CASR: variants seen among roughly 807,000 people sequenced by gnomAD.
The protein encoded by CASR is calcium sensing receptor.
In CASR, 23 loss-of-function variants were observed where a neutral mutation model predicts 69.1. The observed-to-expected ratio is 0.33, with a 90% CI of 0.24 to 0.47. The LOEUF is 0.47. Ranked by LOEUF, CASR falls within the 20% of genes least tolerant of loss-of-function variation. The probability of loss-of-function intolerance (pLI) is 1.00; values close to 1 mark genes in which losing one functional copy is unlikely to be tolerated. For missense variants in CASR, 924 were observed against 1,356.1 expected (o/e 0.68, Z 5.00); for synonymous variants, 541 against 544.7 (o/e 0.99, Z 0.10).
At chr3:122,274,158 G>A (rs2074789571) in intron 4 of CASR, among the ~76,000 whole-genome samples, 1 of 152,226 alleles carries the variant, frequency 6.6e-6, no homozygotes, top group Admixed American at 6.5e-5. Context: ...GTAGCAGGGA[G>A]TGAGGGATCC....
intron 2 of CASR, among the ~76,000 whole-genome samples, chr3:122,255,154 T>G (rs1001819613): frequency 6.6e-6 from 1 of 152,224 alleles, no homozygotes; most frequent in Non-Finnish European, 1.5e-5. Context: ...TGATGCCCCC[T>G]AATTTACTGC....
At chr3:122,209,812 C>T (rs2074044353) in intron 1 of CASR, among the ~76,000 whole-genome samples, 1 of 152,140 alleles carries the variant, frequency 6.6e-6, no homozygotes, top group Admixed American at 6.5e-5. Flanking sequence ...GTCCAATATC[C>T]CTGATGAACA....
intron 5 of CASR, among the ~76,000 whole-genome samples, chr3:122,279,884 C>A (rs1039159524): frequency 1.6e-4 from 25 of 152,224 alleles, no homozygotes; most frequent in African/African-American, 5.8e-4. Context: ...TAGTTTGCTG[C>A]ACCTGTCAAC....
intron 1 of CASR, among the ~76,000 whole-genome samples, chr3:122,212,077 T>G (rs2074073298): frequency 6.6e-6 from 1 of 152,196 alleles, no homozygotes; most frequent in South Asian, 2.1e-4. Flanking sequence ...CAAAGGAATA[T>G]AAATCATTCT....
chr3:122,195,828 A>C (rs1464886151), intron 1 of CASR, among the ~76,000 whole-genome samples: 1 of 152,210 alleles, frequency 6.6e-6, no homozygotes, highest in East Asian at 1.9e-4. Flanking sequence ...CATCTTTTAA[A>C]AATGTAATGA....
intron 3 of CASR, 104 bp downstream of exon 3, chr3:122,257,491 G>A: frequency 1.3e-6 from 1 of 793,810 alleles, no homozygotes; most frequent in Non-Finnish European, 2.0e-6. Context: ...TCCCATCTCT[G>A]GCACAAAAGA....
Position 122,284,742 on chromosome 3 carries a change from C to A in CASR, c.2788C>A (p.Gln930Lys). ...SEDPFPQPERQKQQQPLALTQ... is the reference protein window; with the variant it reads ...SEDPFPQPERKKQQQPLALTQ... Reference sequence around the variant, plus strand: ...AGACCCATTCCCACAGCCCGAGAGGCAGAAGCAGCAGCAGCCGCTGGCCCT... The same window carrying A: ...AGACCCATTCCCACAGCCCGAGAGGAAGAAGCAGCAGCAGCCGCTGGCCCT... Residue 930 changes from glutamine to lysine, a missense_variant, in exon 7 of 7, where the codon CAG becomes AAG. Physicochemically the swap from Gln to Lys is moderately conservative, Grantham distance 53 (BLOSUM62 1). This residue lies in a region of CASR where 201 missense variants were observed against 228.8 expected (regional missense o/e 0.88). Coordinates refer to ENST00000639785, the MANE Select transcript of CASR (RefSeq NM_000388.4). The A allele has an allele frequency of 6.2e-7, 1 of 1,614,194 alleles. No homozygotes were observed.
At chr3:122,230,457 G>C (rs1042118682) in intron 1 of CASR, among the ~76,000 whole-genome samples, 7 of 152,348 alleles carry the variant, frequency 4.6e-5, no homozygotes, top group African/African-American at 1.4e-4. Context: ...AGGAGCAGCG[G>C]GGGCGGGGAT....
chr3:122,266,539 C>T (rs914941832), intron 4 of CASR, among the ~76,000 whole-genome samples: 1 of 151,944 alleles, frequency 6.6e-6, no homozygotes, highest in African/African-American at 2.4e-5. Flanking sequence ...AAGCAGTACT[C>T]CTATGTTTGG....
At chr3:122,242,354 A>G (rs2074386449) in intron 1 of CASR, among the ~76,000 whole-genome samples, 3 of 152,188 alleles carry the variant, frequency 2.0e-5, no homozygotes, top group Admixed American at 2.0e-4. Context: ...CAAAATCAAC[A>G]TACAAAAACT....
intron 1 of CASR, among the ~76,000 whole-genome samples, chr3:122,236,573 G>A (rs2074331117): frequency 6.6e-6 from 1 of 152,020 alleles, no homozygotes; most frequent in Non-Finnish European, 1.5e-5. Flanking sequence ...GGTTCTGAAG[G>A]GACTACTCAA....
At chr3:122,225,926 A>G (rs1046120054) in intron 1 of CASR, among the ~76,000 whole-genome samples, 2 of 152,342 alleles carry the variant, frequency 1.3e-5, no homozygotes, top group East Asian at 3.9e-4. Flanking sequence ...CTTTGCAGCA[A>G]CATGGATGCA....
At chr3:122,215,764 T>G (rs2074111573) in intron 1 of CASR, among the ~76,000 whole-genome samples, 1 of 152,224 alleles carries the variant, frequency 6.6e-6, no homozygotes, top group Non-Finnish European at 1.5e-5. Context: ...GACAAGATTT[T>G]GGTGCCAAGT....
At chr3:122,217,810 GAA>G (rs953491668) in intron 1 of CASR, among the ~76,000 whole-genome samples, 1 of 150,832 alleles carries the variant, frequency 6.6e-6, no homozygotes, top group Non-Finnish European at 1.5e-5. Context: ...GCCTGCCACA[GAA>G]AAAAAAATGT....
rs2075012059 is a variant in CASR, at chr3:122,291,551, AT to A, written c.*6364del. The A allele has an allele frequency of 6.6e-6, 1 of 152,170 alleles. No homozygotes were observed. Among genetic ancestry groups the A allele is most frequent in the African/African-American group, 2.4e-5 (1 of 41,424 alleles). 9.4% of individuals were successfully genotyped at this position (152,170 alleles called of 1,614,324 possible). A position where few individuals can be genotyped will look rare whatever the true frequency, so the allele number is the denominator to read the frequency against. On this transcript the variant is annotated 3_prime_UTR_variant, in exon 7 of 7. Coordinates refer to ENST00000639785, the MANE Select transcript of CASR (RefSeq NM_000388.4). ...GGATAATTGTTTCTGCTTCTTTAGGATTTTCTAAATTTTTCCCAAGTTTTGT... is the reference window on the plus strand; with the variant it reads ...GGATAATTGTTTCTGCTTCTTTAGGATTTCTAAATTTTTCCCAAGTTTTGT...
At position 122,275,886 on chromosome 3, in the gene CASR, C is replaced by A; in HGVS notation, c.1452C>A (p.Asp484Glu). The change falls in exon 5 of 7, where the codon GAC (aspartate) becomes GAA (glutamate). Residue 484 changes from aspartate to glutamate, a missense_variant. By Grantham distance (45) the Asp-to-Glu change is conservative (BLOSUM62 2). Coordinates refer to ENST00000639785, the MANE Select transcript of CASR (RefSeq NM_000388.4). ...GEQVTFDECG[D>E]LVGNYSIINW... is the part of the protein sequence containing the mutation. ...AGGTGACCTTTGATGAGTGTGGTGA[C>A]CTGGTGGGGAACTATTCCATCATCA... 1.2e-6 allele frequency: 2 copies of A among 1,614,100 alleles called. No homozygotes were observed. The highest frequency in any genetic ancestry group is 1.7e-6 in the Non-Finnish European group (2 of 1,179,968).
intron 1 of CASR, among the ~76,000 whole-genome samples, chr3:122,203,192 C>T (rs932271868): frequency 1.3e-5 from 2 of 152,162 alleles, no homozygotes. Context: ...CACACATACA[C>T]CTATTGAGAT....
At chr3:122,265,963 C>T (rs1188586620) in intron 4 of CASR, among the ~76,000 whole-genome samples, 1 of 152,118 alleles carries the variant, frequency 6.6e-6, no homozygotes, top group Non-Finnish European at 1.5e-5. Context: ...GATAAGAAAA[C>T]ATGGCTGGCG....
intron 4 of CASR, among the ~76,000 whole-genome samples, chr3:122,274,861 C>T (rs985195135): frequency 3.9e-5 from 6 of 152,186 alleles, no homozygotes; most frequent in African/African-American, 1.2e-4. Context: ...CACAGTGACA[C>T]AAGGCTGGCC....
Sources: allele counts gnomAD v4.1 joint callset (sites outside exome capture counted in the v4.1 genomes callset), GRCh38; gene constraint gnomAD v4.1.1; regional missense constraint gnomAD v4.1.1; transcripts MANE v1.5; gene names NCBI Gene and HGNC (gene_info 2026-07-23, HGNC 2026-07-21).